Variants in TAFA5 observed in about 807,000 individuals in gnomAD.
TAFA5 encodes chemokine-like protein TAFA-5.
Under a neutral mutation model 15.3 loss-of-function variants are expected in TAFA5, and 6 were observed. The ratio of observed to expected loss-of-function variants is 0.39; its 90% confidence interval spans 0.21 to 0.77. The LOEUF is 0.77. TAFA5 is among the 30% of genes least tolerant of loss of function. The probability of loss-of-function intolerance (pLI) is 0.41; values close to 1 mark genes in which losing one functional copy is unlikely to be tolerated. For missense variants in TAFA5, 161 were observed against 193.1 expected, an observed-to-expected ratio of 0.83 and a Z score of 0.98; for synonymous variants, 103 against 80.7, an observed-to-expected ratio of 1.28 and a Z score of -1.48.
intron 1 of TAFA5, among the ~76,000 whole-genome samples, chr22:48,632,223 C>G (rs1251332140): frequency 6.6e-6 from 1 of 152,208 alleles, no homozygotes; most frequent in Admixed American, 6.5e-5. Flanking sequence ...CGGGCCCTGC[C>G]TGCCTCCCAC....
At chr22:48,665,100 T>A (rs1927566419) in intron 2 of TAFA5, among the ~76,000 whole-genome samples, 1 of 152,178 alleles carries the variant, frequency 6.6e-6, no homozygotes, top group Admixed American at 6.5e-5. Context: ...GGTCAGTGTG[T>A]TTAATTTCAG....
At chr22:48,695,281 A>C (rs544793335) in intron 2 of TAFA5, among the ~76,000 whole-genome samples, 2 of 152,048 alleles carry the variant, frequency 1.3e-5, no homozygotes, top group East Asian at 3.9e-4. Context: ...CTCGAGGGAC[A>C]CTCTTCTGGG....
At chr22:48,668,954 C>T (rs1271003539) in intron 2 of TAFA5, among the ~76,000 whole-genome samples, 4 of 152,220 alleles carry the variant, frequency 2.6e-5, no homozygotes, top group Admixed American at 6.5e-5. Context: ...CTGGCGACCT[C>T]CCCAGATTCA....
At chr22:48,670,295 C>T (rs1028340338) in intron 2 of TAFA5, among the ~76,000 whole-genome samples, 8 of 152,192 alleles carry the variant, frequency 5.3e-5, no homozygotes, top group East Asian at 1.9e-4. Context: ...ATCTAGGCCA[C>T]GATTCCTCTG....
chr22:48,594,935 C>G (rs73889123), intron 1 of TAFA5, among the ~76,000 whole-genome samples: 3,232 of 151,824 alleles, frequency 0.021, 114 homozygotes, highest in African/African-American at 0.075. Flanking sequence ...ATGTCCCCAG[C>G]ACACCTTCGG....
chr22:48,568,052 C>G (rs938627452), intron 1 of TAFA5, among the ~76,000 whole-genome samples: 2 of 152,218 alleles, frequency 1.3e-5, no homozygotes, highest in Non-Finnish European at 2.9e-5. Flanking sequence ...CCTCTATTTT[C>G]TGGGTACGCC....
intron 1 of TAFA5, among the ~76,000 whole-genome samples, chr22:48,614,420 C>G (rs1209192752): frequency 1.3e-5 from 2 of 152,198 alleles, no homozygotes; most frequent in Non-Finnish European, 2.9e-5. Flanking sequence ...TCTTAGACAC[C>G]CTTATACTTG....
At chr22:48,565,095 G>C (rs1026663240) in intron 1 of TAFA5, among the ~76,000 whole-genome samples, 1 of 152,234 alleles carries the variant, frequency 6.6e-6, no homozygotes, top group African/African-American at 2.4e-5. Flanking sequence ...GCTGAGAGGA[G>C]CTTCCCTGGA....
intron 2 of TAFA5, among the ~76,000 whole-genome samples, chr22:48,694,946 A>G (rs1199300810): frequency 1.3e-5 from 2 of 150,698 alleles, no homozygotes; most frequent in Non-Finnish European, 3.0e-5. Context: ...CCCATCGGGC[A>G]GAAACGGGAG....
At chr22:48,733,401 C>T (rs932607159) in intron 3 of TAFA5, among the ~76,000 whole-genome samples, 5 of 152,184 alleles carry the variant, frequency 3.3e-5, no homozygotes, top group Non-Finnish European at 7.3e-5. Flanking sequence ...AACCCAGTTG[C>T]CCTATGTCTT....
intron 3 of TAFA5, among the ~76,000 whole-genome samples, chr22:48,747,303 C>T (rs1930356527): frequency 6.6e-6 from 1 of 152,216 alleles, no homozygotes; most frequent in African/African-American, 2.4e-5. Context: ...CAACCAACCA[C>T]AGCCGCTCCA....
At chr22:48,547,290 G>C (rs1922709038) in intron 1 of TAFA5, 1 of 152,278 alleles carries the variant, frequency 6.6e-6, no homozygotes, top group Non-Finnish European at 1.5e-5. Context: ...TGGGCCTCAC[G>C]CCGTGGATCG....
intron 1 of TAFA5, among the ~76,000 whole-genome samples, chr22:48,569,391 G>A (rs1406667467): frequency 2.0e-5 from 3 of 152,180 alleles, no homozygotes; most frequent in African/African-American, 7.2e-5. Context: ...AATAAACCGT[G>A]TGTTTGGGGT....
intron 3 of TAFA5, among the ~76,000 whole-genome samples, chr22:48,747,543 G>A (rs1207424099): frequency 1.3e-5 from 2 of 152,138 alleles, no homozygotes; most frequent in Non-Finnish European, 2.9e-5. Flanking sequence ...TGGTCTTCAC[G>A]CTGTCTTGCT....
rs534434296 is a variant in TAFA5 at position 48,502,721 on chromosome 22, C to A, written c.112+13017C>A. On this transcript the variant is annotated intron_variant, in intron 1 of 3. Transcript: ENST00000402357. Reference sequence around the variant, plus strand: ...ATTTTTAGAAGAGACGTGGTTTTGCCATGTTGGCCGGGCTGATTTCAAACT... The same window carrying A: ...ATTTTTAGAAGAGACGTGGTTTTGCAATGTTGGCCGGGCTGATTTCAAACT... Among the ~76,000 whole-genome samples, 9 of 152,046 alleles carry A rather than the reference C, an allele frequency of 5.9e-5. No individual in the cohort carries two copies. The South Asian group carries it at 1.0e-3, about 18-fold the overall frequency.
Position 48,489,747 on chromosome 22 carries a change from C to G in TAFA5, c.112+43C>G. On this transcript the variant is annotated intron_variant, in intron 1 of 3. Coordinates refer to ENST00000402357, the MANE Select transcript of TAFA5 (RefSeq NM_001082967.3). The surrounding 1 kb of genome is among the most constrained non-coding windows in gnomAD (Gnocchi z 5.5). ...CCGGCCCCGGCACGGCCCTCTGGGC[C>G]CCGGACCCCCTCCTCCGGCCCCGGC... The G allele has an allele frequency of 8.1e-7, 1 of 1,240,890 alleles. No individual in the cohort carries two copies. The highest frequency in any genetic ancestry group is 1.1e-6 in the Non-Finnish European group (1 of 948,956). The allele number at this position is 1,240,890 out of a possible 1,614,324, so 76.9% of individuals were successfully genotyped here.
intron 1 of TAFA5, among the ~76,000 whole-genome samples, chr22:48,605,201 A>ATGGTGG (rs1925121380): frequency 2.0e-4 from 1 of 4,932 alleles, no homozygotes; most frequent in Non-Finnish European, 4.9e-4. Context: ...GGTAATGGTG[A>ATGGTGG]TGATGGTGGT....
intron 2 of TAFA5, among the ~76,000 whole-genome samples, chr22:48,682,879 A>C (rs543983981): frequency 2.6e-5 from 4 of 152,166 alleles, no homozygotes; most frequent in Admixed American, 6.5e-5. Flanking sequence ...GTTTCATTAC[A>C]GTGTGGCAGG....
rs138836852 is a variant in TAFA5, at chr22:48,664,638, G to T, written c.262+17892G>T. Among the ~76,000 whole-genome samples the T allele has an allele frequency of 4.3e-3, 649 of 152,268 alleles. 9 individuals are homozygous for T. The highest frequency in any genetic ancestry group is 0.015 in the African/African-American group (616 of 41,550). On this transcript the variant is annotated intron_variant, in intron 2 of 3. Coordinates refer to ENST00000402357, the MANE Select transcript of TAFA5 (RefSeq NM_001082967.3). The stretch of plus-strand genomic sequence containing the variant: ...TCACCCCTCCCCTTGGCTCACCAGA[G>T]CCCTAACTTCTGTCACTGCAGGTTT...
Sources: gnomAD v4.1 joint callset for allele counts (sites outside exome capture counted in the v4.1 genomes callset) on GRCh38, gnomAD v4.1.1 for gene constraint, Gnocchi (gnomAD v3.1) non-coding constraint, MANE v1.5 for transcripts, NCBI Gene and HGNC (gene_info 2026-07-23, HGNC 2026-07-21) for gene names.